Variants in NEBL observed in about 807,000 individuals in gnomAD.
NEBL encodes the protein nebulette.
NEBL carries 122 observed loss-of-function variants against 140.2 expected under a neutral mutation model. That is an observed-to-expected ratio of 0.87 (90% CI 0.75 to 1.01). The LOEUF (loss-of-function observed/expected upper bound fraction) is 1.01. Ranked by LOEUF, NEBL falls within the 50% of genes least tolerant of loss-of-function variation. NEBL has a pLI of 0.00. For synonymous variants in NEBL, 436 were observed against 398.9 expected (o/e 1.09, Z -1.11); for missense variants, 1,365 against 1,231.3 (o/e 1.11, Z -1.62).
chr10:21,001,670 T>C (rs1478138032), intron 3 of NEBL, among the ~76,000 whole-genome samples: 2 of 152,224 alleles, frequency 1.3e-5, no homozygotes, highest in Non-Finnish European at 1.5e-5. Flanking sequence ...TGCCTAGTGT[T>C]CCATCATTGG....
intron 3 of NEBL, among the ~76,000 whole-genome samples, chr10:21,226,736 C>T (rs1178987605): frequency 1.3e-5 from 2 of 152,208 alleles, no homozygotes; most frequent in Admixed American, 6.5e-5. Context: ...GTCACACAGC[C>T]ATTACTGGGG....
intron 3 of NEBL, among the ~76,000 whole-genome samples, chr10:21,239,756 G>A (rs552144004): frequency 1.1e-4 from 17 of 152,270 alleles, no homozygotes; most frequent in South Asian, 1.0e-3. Flanking sequence ...GGTGGCTCAC[G>A]CCTGTAATCC....
At chr10:21,125,354 C>G (rs913008228) in intron 2 of NEBL, among the ~76,000 whole-genome samples, 9 of 152,124 alleles carry the variant, frequency 5.9e-5, no homozygotes, top group African/African-American at 1.9e-4. Context: ...CATAAGACTC[C>G]TATGAAAGGG....
At position 21,169,424 on chromosome 10, in the gene NEBL, C is replaced by T. The variant is rs369156794; in HGVS notation, c.164+2959G>A. ...TACCATTGACCCGGAGAAATTATGG[C>T]GGCCCTCTGGCCACAACCACAGGGA... On this transcript the variant is annotated intron_variant, in intron 2 of 6. Coordinates refer to the NEBL transcript ENST00000417816. Among the ~76,000 whole-genome samples the T allele has an allele frequency of 8.5e-5, 13 of 152,134 alleles. No homozygotes were observed. The East Asian group carries it at 2.1e-3, about 25-fold the overall frequency.
At chr10:20,792,298 A>G (rs980895109) in intron 26 of NEBL, among the ~76,000 whole-genome samples, 6 of 152,166 alleles carry the variant, frequency 3.9e-5, no homozygotes, top group African/African-American at 1.4e-4. Context: ...AGAGTCTAGG[A>G]CACAATGCAA....
At chr10:20,896,483 C>CAT (rs57289458) in intron 2 of NEBL, among the ~76,000 whole-genome samples, 1,805 of 87,850 alleles carry the variant, frequency 0.021, 77 homozygotes, top group African/African-American at 0.045. Flanking sequence ...ATATTATATG[C>CAT]ATATATATAT....
chr10:20,932,755 T>C (rs756947679), intron 4 of NEBL, among the ~76,000 whole-genome samples: 24 of 152,244 alleles, frequency 1.6e-4, no homozygotes, highest in Non-Finnish European at 3.2e-4. Flanking sequence ...CTAATCGTTG[T>C]GCTATTTCTT....
At chr10:21,281,302 C>G (rs1554836441) in intron 1 of NEBL, among the ~76,000 whole-genome samples, 1 of 151,916 alleles carries the variant, frequency 6.6e-6, no homozygotes, top group South Asian at 2.1e-4. Context: ...CAGTGCAAGC[C>G]CTTGTTTTTT....
At chr10:21,284,210 CAAAAAA>C (rs35693200) in intron 1 of NEBL, among the ~76,000 whole-genome samples, 3 of 37,188 alleles carry the variant, frequency 8.1e-5, no homozygotes, top group Non-Finnish European at 1.3e-4. Flanking sequence ...ACTCCGTCTC[CAAAAAA>C]AAAAAAAAAA....
At chr10:21,182,019 G>T (rs189320096) in intron 3 of NEBL, among the ~76,000 whole-genome samples, 28 of 152,168 alleles carry the variant, frequency 1.8e-4, no homozygotes, top group African/African-American at 6.8e-4. Flanking sequence ...ATCAGCAGAC[G>T]CATCTGATGG....
rs1588575338 is a variant in NEBL at position 20,780,958 on chromosome 10, G to A, written c.*4789C>T. On this transcript the variant is annotated 3_prime_UTR_variant, in exon 28 of 28. Coordinates refer to ENST00000377122, the MANE Select transcript of NEBL (RefSeq NM_006393.3). ...TTTGTGAGTGACTGTACTATACAATGTGATGCTAGGCTTAATGTGTCATTT... is the reference window on the plus strand; with the variant it reads ...TTTGTGAGTGACTGTACTATACAATATGATGCTAGGCTTAATGTGTCATTT... 1 of 152,184 alleles carries A rather than the reference G, an allele frequency of 6.6e-6. No homozygotes were observed. Among genetic ancestry groups the A allele is most frequent in the Admixed American group, 6.6e-5 (1 of 15,262 alleles). 9.4% of individuals were successfully genotyped at this position (152,184 alleles called of 1,614,324 possible). A position where few individuals can be genotyped will look rare whatever the true frequency, so the allele number is the denominator to read the frequency against.
At chr10:21,066,026 C>T (rs1300473566) in intron 2 of NEBL, among the ~76,000 whole-genome samples, 3 of 152,238 alleles carry the variant, frequency 2.0e-5, no homozygotes, top group Non-Finnish European at 2.9e-5. Context: ...TCACCCTCCT[C>T]TTAGACTAAT....
chr10:20,781,556 T>C lies in NEBL; in HGVS notation c.*4191A>G, dbSNP rs561281073. 6.6e-6 allele frequency: 1 copy of C among 152,324 alleles called. No individual in the cohort carries two copies. The highest frequency in any genetic ancestry group is 2.4e-5 in the African/African-American group (1 of 41,588). 9.4% of individuals were successfully genotyped at this position (152,324 alleles called of 1,614,324 possible). On this transcript the variant is annotated 3_prime_UTR_variant, in exon 28 of 28. Transcript: ENST00000377122. Reference sequence around the variant, plus strand: ...CAGCAACTGGATTACAAAGAAGTGATACTATGCAAACTGGATACCATGTAT... The same window carrying C: ...CAGCAACTGGATTACAAAGAAGTGACACTATGCAAACTGGATACCATGTAT...
intron 2 of NEBL, among the ~76,000 whole-genome samples, chr10:21,115,376 T>A (rs146349307): frequency 3.7e-3 from 559 of 152,260 alleles, no homozygotes; most frequent in African/African-American, 0.013. Context: ...TCAGTTTCCA[T>A]CTGGTATCAT....
chr10:20,841,192 C>CT (rs1387660672), intron 12 of NEBL, among the ~76,000 whole-genome samples: 1 of 151,898 alleles, frequency 6.6e-6, no homozygotes, highest in Non-Finnish European at 1.5e-5. Context: ...TTTGAAAGTT[C>CT]TATAAAACAT....
chr10:20,847,923 A>G (rs1157696962), intron 11 of NEBL, among the ~76,000 whole-genome samples: 3 of 152,234 alleles, frequency 2.0e-5, no homozygotes, highest in Admixed American at 6.5e-5. Flanking sequence ...GTTGAAAATC[A>G]GGTCCGATTT....
At chr10:20,903,444 G>A (rs1489708322) in intron 4 of NEBL, among the ~76,000 whole-genome samples, 1 of 152,080 alleles carries the variant, frequency 6.6e-6, no homozygotes, top group Non-Finnish European at 1.5e-5. Flanking sequence ...AACCTCTACG[G>A]GAGACAATAT....
chr10:20,986,472 A>G (rs1837262677), intron 3 of NEBL, among the ~76,000 whole-genome samples: 2 of 152,356 alleles, frequency 1.3e-5, no homozygotes, highest in Non-Finnish European at 2.9e-5. Flanking sequence ...TAGTGTTACA[A>G]TCAACCCAGC....
chr10:21,079,929 A>C (rs1297970444), intron 2 of NEBL, among the ~76,000 whole-genome samples: 2 of 152,216 alleles, frequency 1.3e-5, no homozygotes, highest in Admixed American at 1.3e-4. Context: ...TTGAACAATG[A>C]CCAATATAGA....
Sources: gnomAD v4.1 joint callset for allele counts (sites outside exome capture counted in the v4.1 genomes callset) on GRCh38, gnomAD v4.1.1 for gene constraint, MANE v1.5 for transcripts, NCBI Gene and HGNC (gene_info 2026-07-23, HGNC 2026-07-21) for gene names.